Variants in MTUS2 observed in about 807,000 individuals in gnomAD.
The protein encoded by MTUS2 is microtubule-associated tumor suppressor candidate 2.
In MTUS2, 40 loss-of-function variants were observed where a neutral mutation model predicts 114.1. That is an observed-to-expected ratio of 0.35 (90% confidence interval 0.27 to 0.46). The LOEUF (loss-of-function observed/expected upper bound fraction) is 0.46. Among genes scored for constraint, MTUS2 ranks in the 20% least tolerant of loss-of-function variants. The pLI, the probability that MTUS2 is intolerant of heterozygous loss-of-function variation, is 1.00. For missense variants in MTUS2, 1,679 were observed against 1,705.4 expected, an observed-to-expected ratio of 0.98 and a Z score of 0.27; for synonymous variants, 688 against 672.0, an observed-to-expected ratio of 1.02 and a Z score of -0.37.
chr13:29,082,611 C>T (rs1024807389), intron 4 of MTUS2, among the ~76,000 whole-genome samples: 7 of 152,124 alleles, frequency 4.6e-5, no homozygotes, highest in Non-Finnish European at 8.8e-5. Context: ...AGAGGGCCCA[C>T]GTTTGGCCCT....
intron 6 of MTUS2, among the ~76,000 whole-genome samples, chr13:29,283,562 T>C (rs1482209370): frequency 2.0e-5 from 3 of 152,192 alleles, no homozygotes; most frequent in Non-Finnish European, 4.4e-5. Flanking sequence ...TATAGCCCAG[T>C]GTTTCTCAAG....
intron 8 of MTUS2, among the ~76,000 whole-genome samples, chr13:29,404,068 G>C (rs1196255553): frequency 1.3e-5 from 2 of 151,218 alleles, no homozygotes; most frequent in Non-Finnish European, 2.9e-5. Flanking sequence ...TTCAAGTCTT[G>C]GTTGCTTCAG....
At chr13:28,892,218 G>A (rs1878975384) in intron 2 of MTUS2, among the ~76,000 whole-genome samples, 1 of 152,148 alleles carries the variant, frequency 6.6e-6, no homozygotes. Context: ...GAGATGCCCG[G>A]CATAGTGAAT....
intron 2 of MTUS2, among the ~76,000 whole-genome samples, chr13:29,003,538 A>G (rs953682563): frequency 6.6e-6 from 1 of 152,180 alleles, no homozygotes; most frequent in African/African-American, 2.4e-5. Flanking sequence ...TGGGCCAGCT[A>G]TTTATTCTGC....
chr13:29,334,070 T>C (rs1900931789), intron 7 of MTUS2, among the ~76,000 whole-genome samples: 1 of 152,200 alleles, frequency 6.6e-6, no homozygotes, highest in Non-Finnish European at 1.5e-5. Context: ...TAAATATTCC[T>C]CCATCCCTGT....
intron 8 of MTUS2, among the ~76,000 whole-genome samples, chr13:29,384,939 A>T (rs1872532227): frequency 1.3e-5 from 2 of 152,238 alleles, no homozygotes; most frequent in African/African-American, 4.8e-5. Context: ...TACAGTTGTG[A>T]GGACTGCTAT....
chr13:29,403,940 A>T (rs1462769156), intron 8 of MTUS2, among the ~76,000 whole-genome samples: 1 of 151,856 alleles, frequency 6.6e-6, no homozygotes, highest in East Asian at 1.9e-4. Flanking sequence ...TCCTTCCAGG[A>T]CATTCCATCT....
At chr13:29,149,038 G>T (rs1442768068) in intron 5 of MTUS2, among the ~76,000 whole-genome samples, 1 of 152,096 alleles carries the variant, frequency 6.6e-6, no homozygotes, top group Non-Finnish European at 1.5e-5. Context: ...ATTCCTTTGG[G>T]TATGTACCCA....
intron 7 of MTUS2, among the ~76,000 whole-genome samples, chr13:29,327,635 G>A (rs1032502119): frequency 2.0e-5 from 3 of 151,948 alleles, no homozygotes; most frequent in African/African-American, 7.3e-5. Flanking sequence ...ATGGAAATTG[G>A]GGCTTTCCCC....
chr13:29,351,326 G>A (rs1869247578), intron 7 of MTUS2, among the ~76,000 whole-genome samples: 1 of 152,032 alleles, frequency 6.6e-6, no homozygotes, highest in Non-Finnish European at 1.5e-5. Context: ...TTTAAGGAGA[G>A]TTTCTCTCCC....
At chr13:29,175,964 A>T (rs1344957912) in intron 5 of MTUS2, among the ~76,000 whole-genome samples, 2 of 152,090 alleles carry the variant, frequency 1.3e-5, no homozygotes, top group Non-Finnish European at 2.9e-5. Flanking sequence ...CTCTTTATGT[A>T]TTTAGTGGGT....
intron 7 of MTUS2, among the ~76,000 whole-genome samples, chr13:29,350,159 A>T (rs1475670665): frequency 6.6e-6 from 1 of 151,972 alleles, no homozygotes; most frequent in East Asian, 1.9e-4. Flanking sequence ...TTTATTTACT[A>T]ACTTACAGTT....
chr13:28,948,899 G>A (rs113811280), intron 2 of MTUS2, among the ~76,000 whole-genome samples: 32 of 152,112 alleles, frequency 2.1e-4, no homozygotes, highest in Admixed American at 7.9e-4. Flanking sequence ...TCCCATGTTG[G>A]GTGTCCAGTG....
intron 2 of MTUS2, among the ~76,000 whole-genome samples, chr13:28,924,667 G>A (rs915021638): frequency 2.0e-5 from 3 of 152,220 alleles, no homozygotes; most frequent in Admixed American, 6.5e-5. Context: ...GTGTGACTGT[G>A]GTCAGCGCTT....
At chr13:29,348,476 C>T (rs1868934080) in intron 7 of MTUS2, among the ~76,000 whole-genome samples, 1 of 152,072 alleles carries the variant, frequency 6.6e-6, no homozygotes, top group Non-Finnish European at 1.5e-5. Flanking sequence ...TTTTAAGACT[C>T]ACAGCAAAGT....
intron 4 of MTUS2, among the ~76,000 whole-genome samples, chr13:29,088,074 A>T (rs868019007): frequency 6.9e-4 from 48 of 69,704 alleles, no homozygotes; most frequent in South Asian, 1.1e-3. Flanking sequence ...AAAAAAAAAA[A>T]AAAAAAAAGA....
chr13:28,924,483 C>T (rs1314852365), intron 2 of MTUS2, among the ~76,000 whole-genome samples: 2 of 152,174 alleles, frequency 1.3e-5, no homozygotes, highest in Non-Finnish European at 2.9e-5. Context: ...CTGTGTCTGG[C>T]CAAGGTCAAA....
chr13:29,102,492 T>C (rs931157911), intron 5 of MTUS2, among the ~76,000 whole-genome samples: 1 of 152,166 alleles, frequency 6.6e-6, no homozygotes, highest in African/African-American at 2.4e-5. Flanking sequence ...TCACCTCTGC[T>C]TCAGAGGATA....
intron 2 of MTUS2, among the ~76,000 whole-genome samples, chr13:28,851,042 A>G (rs1876233368): frequency 6.6e-6 from 1 of 152,188 alleles, no homozygotes; most frequent in South Asian, 2.1e-4. Flanking sequence ...GCAAGTTAAA[A>G]CATATTCTGA....
Sources: allele counts gnomAD v4.1 joint callset (sites outside exome capture counted in the v4.1 genomes callset), GRCh38; gene constraint gnomAD v4.1.1; transcripts MANE v1.5; gene names NCBI Gene and HGNC (gene_info 2026-07-23, HGNC 2026-07-21).